Variants in VWDE observed in about 807,000 individuals in gnomAD.
VWDE encodes the protein von Willebrand factor D and EGF domains, also known as von Willebrand factor D and EGF domain-containing protein.
In VWDE, 207 loss-of-function variants were observed where a neutral mutation model predicts 178.4. The ratio of observed to expected loss-of-function variants is 1.16; its 90% CI spans 1.04 to 1.30. The LOEUF (loss-of-function observed/expected upper bound fraction) is 1.30. Ranked by LOEUF, VWDE falls within the 50% of genes most tolerant of loss-of-function variation. The pLI, the probability that VWDE is intolerant of heterozygous loss-of-function variation, is 0.00. For missense variants in VWDE, 2,287 were observed against 1,901.3 expected (o/e 1.20, Z -3.77); for synonymous variants, 738 against 651.4 (o/e 1.13, Z -2.02).
At chr7:12,376,820 A>C (rs547334845) in intron 7 of VWDE, among the ~76,000 whole-genome samples, 2 of 152,040 alleles carry the variant, frequency 1.3e-5, no homozygotes, top group Admixed American at 6.6e-5. Flanking sequence ...CAATCCTAAG[A>C]TGACCTCTCT....
chr7:12,388,182 G>T (rs1784200119), intron 3 of VWDE, among the ~76,000 whole-genome samples: 1 of 152,008 alleles, frequency 6.6e-6, no homozygotes, highest in Non-Finnish European at 1.5e-5. Context: ...TTGTTAGTGT[G>T]TTCTTTAATT....
chr7:12,368,457 C>T lies in VWDE; in HGVS notation c.2762-964G>A, dbSNP rs570842788. Among the ~76,000 whole-genome samples the T allele has an allele frequency of 3.9e-5, 6 of 151,968 alleles. No homozygotes were observed. In the South Asian group the frequency reaches 1.2e-3, roughly 32 times the overall value. On this transcript the variant is annotated intron_variant, in intron 12 of 28. Transcript: ENST00000275358. ...AAAGATCTGTGGTGGGAGAATCCTC[C>T]GGTGAGAGGGAGCAGTGAGTGCAAA... is the stretch of plus-strand genomic sequence containing the variant.
chr7:12,379,377 A>T, intron 6 of VWDE, 100 bp downstream of exon 6: 2 of 719,006 alleles, frequency 2.8e-6, no homozygotes, highest in Non-Finnish European at 4.2e-6. Flanking sequence ...ATTCCGATTC[A>T]GTCTGTGATG....
At position 12,356,263 on chromosome 7, in the gene VWDE, C is replaced by T. The variant is rs1035710718; in HGVS notation, c.3593G>A (p.Gly1198Glu). ...GCAGACACACAGGTACACTCCACTC[C>T]CTGGAGAAAAGTTCCTATCAGATAC... ...SCVSDRNFSP[G>E]SGVYLCVCLP... Residue 1198 changes from glycine (G) to glutamate (E), a missense_variant, in exon 18 of 29, where the codon GGG (glycine) becomes GAG (glutamate). Transcript: ENST00000275358. The T allele has an allele frequency of 6.4e-7, 1 of 1,551,598 alleles. No individual in the cohort carries two copies. The highest frequency in any genetic ancestry group is 8.7e-7 in the Non-Finnish European group (1 of 1,146,958).
chr7:12,357,188 G>T (rs1406150459), intron 17 of VWDE, 77 bp downstream of exon 17: 2 of 1,486,272 alleles, frequency 1.3e-6, no homozygotes, highest in Non-Finnish European at 1.8e-6. Context: ...TAGCAATATG[G>T]CTTGTATTTT....
chr7:12,403,607 C>G (rs963233816), intron 1 of VWDE, 52 bp downstream of exon 1: 22 of 1,512,344 alleles, frequency 1.5e-5, no homozygotes, highest in Non-Finnish European at 1.7e-5. Context: ...GTCCCTCTAC[C>G]GCCCACGCGG....
At chr7:12,336,039 G>T in intron 27 of VWDE, 102 bp downstream of exon 27, 1 of 846,014 alleles carries the variant, frequency 1.2e-6, no homozygotes, top group Non-Finnish European at 1.7e-6. Flanking sequence ...CAGCATGCTG[G>T]AGTTTTTTCC....
intron 4 of VWDE, among the ~76,000 whole-genome samples, chr7:12,382,994 G>T (rs1783930486): frequency 6.6e-6 from 1 of 151,072 alleles, no homozygotes; most frequent in Admixed American, 6.6e-5. Context: ...AGATTTATTT[G>T]ACATAAATAC....
intron 27 of VWDE, 98 bp from the exon 28 acceptor site, chr7:12,333,666 C>G (rs1194854662): frequency 6.8e-6 from 5 of 739,528 alleles, no homozygotes; most frequent in Non-Finnish European, 9.5e-6. Context: ...GATTGGACAC[C>G]AATGCAGTCA....
intron 28 of VWDE, among the ~76,000 whole-genome samples, chr7:12,331,512 A>T (rs1163471686): frequency 6.6e-6 from 1 of 152,136 alleles, no homozygotes; most frequent in Non-Finnish European, 1.5e-5. Flanking sequence ...ACTGATACTC[A>T]TAACACATTG....
At position 12,379,479 on chromosome 7, in the gene VWDE, T is replaced by C. The variant is rs758108120; in HGVS notation, c.877A>G (p.Lys293Glu). ...GATGCATCCCCACTGCTGCGTACCTTAAAGCCTGCAAAAAATTCTTGGCTT... is the reference window on the plus strand; with the variant it reads ...GATGCATCCCCACTGCTGCGTACCTCAAAGCCTGCAAAAAATTCTTGGCTT... Reference protein sequence around the residue: ...IESQEFFAGFKLQPELSTISE... With the variant: ...IESQEFFAGFELQPELSTISE... The change falls in exon 6 of 29, where the codon AAG becomes GAG. Residue 293 changes from lysine to glutamate, a missense_variant and splice_region_variant. Transcript: ENST00000275358. 1.8e-5 allele frequency: 28 copies of C among 1,548,232 alleles called. No individual in the cohort carries two copies. Among genetic ancestry groups the C allele is most frequent in the Non-Finnish European group, 2.4e-5 (27 of 1,145,006 alleles).
intron 16 of VWDE, among the ~76,000 whole-genome samples, chr7:12,357,995 C>T (rs375148455): frequency 2.9e-4 from 44 of 152,262 alleles, no homozygotes; most frequent in African/African-American, 9.9e-4. Flanking sequence ...TACTTGCCTC[C>T]CCAGCTATAA....
chr7:12,365,343 G>T (rs1265411889), intron 13 of VWDE, among the ~76,000 whole-genome samples: 2 of 152,040 alleles, frequency 1.3e-5, no homozygotes, highest in Admixed American at 6.6e-5. Flanking sequence ...AACTTTATGA[G>T]AAACTGGGTG....
In VWDE at chr7:12,370,268, C is replaced by A; in HGVS notation, c.2038G>T (p.Glu680Ter). The A allele has an allele frequency of 6.4e-7, 1 of 1,551,078 alleles. No individual in the cohort carries two copies. ...TCTGGAGATGTATGCTTGTTTATCT[C>A]TCTGACAAGAGTGTCTGAATTAATA... ...EYINSDTLVR[E>*]INKHTSPEEY... Residue 680 changes from glutamate to a stop codon, truncating the protein, a stop_gained, in exon 12 of 29, where the codon GAG becomes TAG. Coordinates refer to ENST00000275358, the MANE Select transcript of VWDE (RefSeq NM_001135924.3). LOFTEE classifies it high-confidence loss of function.
At chr7:12,342,269 G>A (rs1324293522) in intron 22 of VWDE, 115 bp from the exon 23 acceptor site, 2 of 645,480 alleles carry the variant, frequency 3.1e-6, no homozygotes, top group East Asian at 2.8e-5. Flanking sequence ...TAAGATTGCA[G>A]AGAAAGATAA....
intron 12 of VWDE, among the ~76,000 whole-genome samples, chr7:12,368,898 T>A (rs150272734): frequency 1.2e-4 from 18 of 152,236 alleles, no homozygotes; most frequent in Admixed American, 9.2e-4. Flanking sequence ...CAAAAATGAC[T>A]ACAAGTTTTT....
chr7:12,374,957 A>C (rs1426640417), intron 8 of VWDE, 53 bp downstream of exon 8: 1 of 1,485,940 alleles, frequency 6.7e-7, no homozygotes, highest in African/African-American at 1.4e-5. Flanking sequence ...ATGATAAAAT[A>C]CACATTTCTT....
rs1453451522 is a variant in VWDE, at chr7:12,370,214, C to A, written c.2092G>T (p.Glu698Ter). Residue 698 changes from glutamate (E) to a stop codon, truncating the protein, a stop_gained, in exon 12 of 29, where the codon GAA becomes TAA. Coordinates refer to ENST00000275358, the MANE Select transcript of VWDE (RefSeq NM_001135924.3). LOFTEE classifies it high-confidence loss of function. ...TTAGTCAGGTTTATGTGTTTTTTTT[C>A]TTGCAGAAATAAATTTAGATTATAT... Reference protein sequence around the residue: ...EEYNLNLFLQEKKHINLTKLG... With the variant: ...EEYNLNLFLQ 1.8e-5 allele frequency: 28 copies of A among 1,549,754 alleles called. No individual in the cohort carries two copies. Among genetic ancestry groups the A allele is most frequent in the Non-Finnish European group, 2.1e-5 (24 of 1,146,498 alleles).
chr7:12,389,024 T>C lies in VWDE; in HGVS notation c.475+103A>G, dbSNP rs879852948. 4.6e-6 allele frequency: 4 copies of C among 861,960 alleles called. No homozygotes were observed. In the Admixed American group the frequency reaches 8.0e-5, roughly 17 times the overall value. The allele number at this position is 861,960 out of a possible 1,614,324, so 53.4% of individuals were successfully genotyped here. A position where few individuals can be genotyped will look rare whatever the true frequency, so the allele number is the denominator to read the frequency against. ...TCTAGCAATAATGGTAGACTGAGTA[T>C]CTTACTGAGATTTGCACTAACTCAA... On this transcript the variant is annotated intron_variant, in intron 3 of 28. Coordinates refer to ENST00000275358, the MANE Select transcript of VWDE (RefSeq NM_001135924.3).
Sources: allele counts gnomAD v4.1 joint callset (sites outside exome capture counted in the v4.1 genomes callset), GRCh38; gene constraint gnomAD v4.1.1; transcripts MANE v1.5; gene names NCBI Gene and HGNC (gene_info 2026-07-23, HGNC 2026-07-21).